The following ADAM9 variants were observed in gnomAD, a reference collection of about 807,000 sequenced individuals.
The protein encoded by ADAM9 is ADAM metallopeptidase domain 9.
ADAM9 carries 54 observed loss-of-function variants against 108.1 expected under a neutral mutation model. That is an observed-to-expected ratio of 0.50 (90% CI 0.40 to 0.63). The LOEUF (loss-of-function observed/expected upper bound fraction) is 0.63. Among genes scored for constraint, ADAM9 ranks in the 20% least tolerant of loss-of-function variants. ADAM9 has a pLI of 0.00. For synonymous variants in ADAM9, 316 were observed against 336.0 expected (o/e 0.94, Z 0.65); for missense variants, 830 against 997.7 (o/e 0.83, Z 2.26).
At chr8:39,043,025 T>TG (rs1837500966) in intron 12 of ADAM9, among the ~76,000 whole-genome samples, 1 of 152,210 alleles carries the variant, frequency 6.6e-6, no homozygotes, top group African/African-American at 2.4e-5. Context: ...ATGTCCTTTG[T>TG]GGCTGCCTTA....
intron 14 of ADAM9, among the ~76,000 whole-genome samples, chr8:39,067,480 T>C (rs1283333123): frequency 1.3e-5 from 2 of 152,192 alleles, no homozygotes; most frequent in East Asian, 3.8e-4. Context: ...CCCTTGTAAG[T>C]TGGATTCCTA....
At chr8:39,083,478 T>A (rs553974871) in intron 18 of ADAM9, among the ~76,000 whole-genome samples, 6 of 152,224 alleles carry the variant, frequency 3.9e-5, no homozygotes, top group Non-Finnish European at 8.8e-5. Context: ...GCCCCTAGCT[T>A]GCCTTTCAAG....
In ADAM9 at chr8:39,025,791, A is replaced by G. The variant is rs745305936; in HGVS notation, c.915-12A>G. The G allele has an allele frequency of 4.2e-5, 67 of 1,613,210 alleles. No individual in the cohort carries two copies. The highest frequency in any genetic ancestry group is 5.4e-5 in the Non-Finnish European group (64 of 1,179,488). On this transcript the variant is annotated splice_polypyrimidine_tract_variant and intron_variant, in intron 9 of 21. Coordinates refer to ENST00000487273, the MANE Select transcript of ADAM9 (RefSeq NM_003816.3). ...CCCAAGAACATTTTTTAACTTTTACATTTTCATTTAGAAAGAAAGGTTTTG... is the reference window on the plus strand; with the variant it reads ...CCCAAGAACATTTTTTAACTTTTACGTTTTCATTTAGAAAGAAAGGTTTTG...
At chr8:39,035,376 TG>T (rs1241571888) in intron 11 of ADAM9, among the ~76,000 whole-genome samples, 1 of 152,236 alleles carries the variant, frequency 6.6e-6, no homozygotes, top group Non-Finnish European at 1.5e-5. Flanking sequence ...TAAGCATAAA[TG>T]TCTTATGGCT....
At chr8:39,051,333 A>C (rs1423662737) in intron 12 of ADAM9, among the ~76,000 whole-genome samples, 1 of 152,080 alleles carries the variant, frequency 6.6e-6, no homozygotes, top group Admixed American at 6.6e-5. Flanking sequence ...CAGTTTTCCT[A>C]CTGGTTTCAG....
intron 2 of ADAM9, among the ~76,000 whole-genome samples, chr8:39,009,966 C>CCT (rs1460163069): frequency 2.4e-5 from 2 of 84,940 alleles, no homozygotes; most frequent in African/African-American, 4.3e-5. Context: ...AAAAACAAAC[C>CCT]CCCCCCCCCA....
At chr8:39,046,315 G>T (rs368630314) in intron 12 of ADAM9, among the ~76,000 whole-genome samples, 15 of 151,942 alleles carry the variant, frequency 9.9e-5, no homozygotes, top group Admixed American at 3.9e-4. Context: ...TGTCAGTTTT[G>T]TTTCCTGCAA....
intron 11 of ADAM9, among the ~76,000 whole-genome samples, chr8:39,035,444 G>GT (rs1167233251): frequency 6.6e-6 from 1 of 151,792 alleles, no homozygotes; most frequent in Non-Finnish European, 1.5e-5. Flanking sequence ...TTATCTGCTC[G>GT]TTTTTTTCTT....
intron 2 of ADAM9, among the ~76,000 whole-genome samples, chr8:39,009,792 G>C (rs11776561): frequency 0.011 from 1,657 of 151,400 alleles, 14 homozygotes; most frequent in Non-Finnish European, 0.017. Context: ...TGTATGCTAG[G>C]CACCATTTAG....
At chr8:39,029,164 A>G (rs985439590) in intron 11 of ADAM9, among the ~76,000 whole-genome samples, 2 of 139,832 alleles carry the variant, frequency 1.4e-5, no homozygotes, top group Non-Finnish European at 1.5e-5. Flanking sequence ...TTGAATGTGT[A>G]TAAACTTGCT....
intron 20 of ADAM9, among the ~76,000 whole-genome samples, chr8:39,098,373 A>G (rs779078124): frequency 8.5e-5 from 13 of 152,154 alleles, no homozygotes; most frequent in Middle Eastern, 3.2e-3. Context: ...CTCATTATCT[A>G]ATTAACTCTT....
At chr8:38,997,533 C>T (rs573739930) in intron 1 of ADAM9, among the ~76,000 whole-genome samples, 1 of 152,178 alleles carries the variant, frequency 6.6e-6, no homozygotes, top group Non-Finnish European at 1.5e-5. Flanking sequence ...GGCGCGCCCG[C>T]GGGCGTTCAG....
intron 2 of ADAM9, among the ~76,000 whole-genome samples, chr8:39,009,702 T>G (rs1002155569): frequency 8.5e-5 from 13 of 152,252 alleles, no homozygotes; most frequent in Non-Finnish European, 1.5e-4. Flanking sequence ...AGTGATATAG[T>G]CAGTGCATAT....
chr8:39,034,822 C>T (rs1355612057), intron 11 of ADAM9, among the ~76,000 whole-genome samples: 1 of 150,662 alleles, frequency 6.6e-6, no homozygotes, highest in Non-Finnish European at 1.5e-5. Flanking sequence ...TTTTTTTTGA[C>T]GTTTCATTAT....
chr8:39,033,012 G>A (rs1371862354), intron 11 of ADAM9, among the ~76,000 whole-genome samples: 4 of 152,220 alleles, frequency 2.6e-5, no homozygotes, highest in Non-Finnish European at 4.4e-5. Context: ...TATAGATCAA[G>A]TTGGGGAACT....
chr8:39,051,631 C>T (rs1438790596), intron 12 of ADAM9, among the ~76,000 whole-genome samples: 1 of 152,118 alleles, frequency 6.6e-6, no homozygotes, highest in Non-Finnish European at 1.5e-5. Context: ...TCTATTCTCC[C>T]ATTTTGGTGA....
intron 15 of ADAM9, among the ~76,000 whole-genome samples, chr8:39,071,966 A>G (rs1838710189): frequency 6.6e-6 from 1 of 152,180 alleles, no homozygotes; most frequent in South Asian, 2.1e-4. Flanking sequence ...CTTGATTTAT[A>G]ATAAGAACCC....
chr8:39,090,370 C>A (rs1839315531), intron 19 of ADAM9, among the ~76,000 whole-genome samples, 182 bp downstream of exon 19: 1 of 152,054 alleles, frequency 6.6e-6, no homozygotes, highest in Non-Finnish European at 1.5e-5. Context: ...TGGGGTTTCG[C>A]CATGTTGCCC....
chr8:39,083,595 G>C (rs764719039), intron 18 of ADAM9, among the ~76,000 whole-genome samples: 3 of 152,024 alleles, frequency 2.0e-5, no homozygotes, highest in Non-Finnish European at 4.4e-5. Context: ...CACATTGTTG[G>C]CCCTTGGCTA....
Sources: allele counts gnomAD v4.1 joint callset (sites outside exome capture counted in the v4.1 genomes callset), GRCh38; gene constraint gnomAD v4.1.1; transcripts MANE v1.5; gene names NCBI Gene and HGNC (gene_info 2026-07-23, HGNC 2026-07-21).